Variants in SLC41A3 observed in about 807,000 individuals in gnomAD.
The protein encoded by SLC41A3 is solute carrier family 41 member 3.
In SLC41A3, 44 loss-of-function variants were observed where a neutral mutation model predicts 45.4. The observed-to-expected ratio is 0.97, with a 90% CI of 0.76 to 1.25. The LOEUF is 1.25. Among genes scored for constraint, SLC41A3 ranks in the 50% most tolerant of loss-of-function variants. SLC41A3 has a pLI of 0.00. For missense variants in SLC41A3, 550 were observed against 600.6 expected, an observed-to-expected ratio of 0.92 and a Z score of 0.88; for synonymous variants, 256 against 252.4, an observed-to-expected ratio of 1.01 and a Z score of -0.13.
At chr3:126,098,174 G>A (rs942378721) in intron 1 of SLC41A3, among the ~76,000 whole-genome samples, 8 of 152,214 alleles carry the variant, frequency 5.3e-5, no homozygotes, top group African/African-American at 1.9e-4. Flanking sequence ...AGCCCCCAAT[G>A]TGACTCTATG....
In SLC41A3 at chr3:126,016,862, C is replaced by T; in HGVS notation, c.759G>A (p.Leu253=). ...FFYRHKDSRY[L]TPLVCLSFAA... The stretch of plus-strand genomic sequence containing the variant: ...CAAAGCTGAGGCAGACCAGCGGCGT[C>T]AGATACCGACTATCTGAAAGGAGAA... Residue 253 remains leucine, a synonymous_variant, in exon 7 of 11, where the codon CTG becomes CTA. Coordinates refer to ENST00000360370, the MANE Select transcript of SLC41A3 (RefSeq NM_017836.4). 6 of 1,612,502 alleles carry T rather than the reference C, an allele frequency of 3.7e-6. No individual in the cohort carries two copies. The highest frequency in any genetic ancestry group is 4.2e-6 in the Non-Finnish European group (5 of 1,179,874).
intron 6 of SLC41A3, among the ~76,000 whole-genome samples, chr3:126,019,492 T>G (rs1325899615): frequency 6.6e-6 from 1 of 152,196 alleles, no homozygotes; most frequent in Non-Finnish European, 1.5e-5. Context: ...GAGTCTTAAC[T>G]TATGCCAGCA....
upstream of SLC41A3, chr3:126,085,535 C>G (rs569110084): frequency 1.2e-4 from 18 of 152,162 alleles, no homozygotes; most frequent in African/African-American, 4.3e-4. Flanking sequence ...CCCAGATCGC[C>G]CTTTGGTTGA....
intron 1 of SLC41A3, among the ~76,000 whole-genome samples, chr3:126,097,241 TTC>T (rs1291667451): frequency 6.6e-6 from 1 of 152,194 alleles, no homozygotes; most frequent in East Asian, 1.9e-4. Context: ...TGAGGCTTTC[TTC>T]CTTTTTCCAG....
chr3:126,017,318 A>G (rs1403921713), intron 6 of SLC41A3, among the ~76,000 whole-genome samples: 1 of 152,192 alleles, frequency 6.6e-6, no homozygotes, highest in Non-Finnish European at 1.5e-5. Flanking sequence ...GGCTGCCTAG[A>G]CAGCAAGCAG....
intron 2 of SLC41A3, among the ~76,000 whole-genome samples, chr3:126,063,248 T>C (rs1274833106): frequency 6.6e-6 from 1 of 151,846 alleles, no homozygotes; most frequent in African/African-American, 2.4e-5. Context: ...GCAGGAGGGG[T>C]GGTCTCCCCT....
At chr3:126,030,903 CT>C (rs907467460) in intron 4 of SLC41A3, among the ~76,000 whole-genome samples, 3 of 152,170 alleles carry the variant, frequency 2.0e-5, no homozygotes, top group African/African-American at 7.2e-5. Context: ...TAGGGGGAAA[CT>C]TTGGCTACAA....
At chr3:126,098,370 C>A (rs970839352) in intron 1 of SLC41A3, among the ~76,000 whole-genome samples, 2 of 152,208 alleles carry the variant, frequency 1.3e-5, no homozygotes, top group Non-Finnish European at 2.9e-5. Context: ...CAGACAGAAT[C>A]CTGTCGGCAC....
chr3:126,010,844 T>C (rs1939634954), intron 9 of SLC41A3, among the ~76,000 whole-genome samples: 1 of 152,202 alleles, frequency 6.6e-6, no homozygotes, highest in African/African-American at 2.4e-5. Flanking sequence ...GGTGCTCCTC[T>C]TCTCCCAGGA....
At chr3:126,022,742 C>T (rs763078980) in intron 6 of SLC41A3, 44 bp downstream of exon 6, 2 of 1,610,130 alleles carry the variant, frequency 1.2e-6, no homozygotes, top group African/African-American at 1.3e-5. Flanking sequence ...CCAGGGCCCC[C>T]CCTCCACGGA....
intron 3 of SLC41A3, among the ~76,000 whole-genome samples, chr3:126,044,292 G>C (rs1483072342): frequency 6.6e-6 from 1 of 152,146 alleles, no homozygotes; most frequent in Non-Finnish European, 1.5e-5. Context: ...AAACATCAAA[G>C]TTCCCAAAAT....
chr3:126,080,218 T>C (rs531690765), intron 1 of SLC41A3, among the ~76,000 whole-genome samples: 1 of 152,036 alleles, frequency 6.6e-6, no homozygotes, highest in South Asian at 2.1e-4. Flanking sequence ...ACAAATGGGA[T>C]TACATCAAGC....
chr3:126,034,731 G>A (rs570518588), intron 3 of SLC41A3, among the ~76,000 whole-genome samples: 1 of 152,344 alleles, frequency 6.6e-6, no homozygotes, highest in East Asian at 1.9e-4. Flanking sequence ...AGACCTAAGT[G>A]TGCCTGTCTG....
At chr3:126,059,545 C>G (rs1202877988) in intron 2 of SLC41A3, among the ~76,000 whole-genome samples, 1 of 152,124 alleles carries the variant, frequency 6.6e-6, no homozygotes, top group Non-Finnish European at 1.5e-5. Context: ...TTCACAGGAA[C>G]TATAGCATTC....
chr3:126,020,173 A>G (rs1940707634), intron 6 of SLC41A3, among the ~76,000 whole-genome samples: 6 of 152,072 alleles, frequency 3.9e-5, no homozygotes. Context: ...GTGAGCCATG[A>G]CTGGGATGGC....
chr3:126,016,860 G>A lies in SLC41A3; in HGVS notation c.761C>T (p.Thr254Met), dbSNP rs199722483. The A allele has an allele frequency of 2.4e-5, 39 of 1,612,496 alleles. No homozygotes were observed. Among genetic ancestry groups the A allele is most frequent in the African/African-American group, 1.2e-4 (9 of 75,030 alleles). The stretch of plus-strand genomic sequence containing the variant: ...CGCAAAGCTGAGGCAGACCAGCGGC[G>A]TCAGATACCGACTATCTGAAAGGAG... The part of the protein sequence containing the change: ...FYRHKDSRYL[T>M]PLVCLSFAAL... The change falls in exon 7 of 11, where the codon ACG (threonine) becomes ATG (methionine). Residue 254 changes from threonine (T) to methionine (M), a missense_variant. Physicochemically the swap from Thr to Met is moderately conservative, Grantham distance 81. Transcript: ENST00000360370.
At chr3:126,099,323 T>C (rs1485351940) in intron 1 of SLC41A3, among the ~76,000 whole-genome samples, 1 of 152,216 alleles carries the variant, frequency 6.6e-6, no homozygotes, top group Non-Finnish European at 1.5e-5. Context: ...AAATTTCTAT[T>C]CTTTATTTCT....
At chr3:126,034,393 C>A (rs181814078) in intron 3 of SLC41A3, among the ~76,000 whole-genome samples, 2 of 152,352 alleles carry the variant, frequency 1.3e-5, no homozygotes, top group Admixed American at 1.3e-4. Context: ...TTCCTAGATT[C>A]CTTAAACTCA....
At chr3:126,081,189 T>A (rs1945132026) in intron 1 of SLC41A3, among the ~76,000 whole-genome samples, 1 of 152,182 alleles carries the variant, frequency 6.6e-6, no homozygotes, top group South Asian at 2.1e-4. Flanking sequence ...TAAAGAAGAA[T>A]GAGATCCTGT....
Sources: gnomAD v4.1 joint callset for allele counts (sites outside exome capture counted in the v4.1 genomes callset) on GRCh38, gnomAD v4.1.1 for gene constraint, MANE v1.5 for transcripts, NCBI Gene and HGNC (gene_info 2026-07-23, HGNC 2026-07-21) for gene names.